The following REEP1 variants were observed in gnomAD, a reference collection of about 807,000 sequenced individuals.
The protein encoded by REEP1 is receptor expression-enhancing protein 1.
REEP1 carries 22 observed loss-of-function variants against 40.3 expected under a neutral mutation model. The ratio of observed to expected loss-of-function variants is 0.55; its 90% CI spans 0.39 to 0.78. The LOEUF (loss-of-function observed/expected upper bound fraction) is 0.78, where lower values mean the gene tolerates loss of function less well. Among genes scored for constraint, REEP1 ranks in the 30% least tolerant of loss-of-function variants. REEP1 has a pLI of 0.00. For missense variants in REEP1, 280 were observed against 361.1 expected (o/e 0.78, Z 1.82); for synonymous variants, 116 against 139.2 (o/e 0.83, Z 1.17).
At chr2:86,255,939 A>G (rs1290953756) in intron 3 of REEP1, among the ~76,000 whole-genome samples, 1 of 152,204 alleles carries the variant, frequency 6.6e-6, no homozygotes, top group Non-Finnish European at 1.5e-5. Flanking sequence ...CCAGAGGTGT[A>G]GTAACCATGT....
At chr2:86,279,694 A>C (rs1331402243) in intron 2 of REEP1, among the ~76,000 whole-genome samples, 3 of 152,166 alleles carry the variant, frequency 2.0e-5, no homozygotes, top group South Asian at 2.1e-4. Flanking sequence ...AGAGAGATGC[A>C]ATGTTGCTGG....
intron 1 of REEP1, among the ~76,000 whole-genome samples, chr2:86,318,292 T>C (rs1191151611): frequency 6.6e-6 from 1 of 152,150 alleles, no homozygotes. Context: ...AGATTCCACA[T>C]TGAAATTAAC....
intron 1 of REEP1, among the ~76,000 whole-genome samples, chr2:86,329,915 T>C (rs1422860748): frequency 6.6e-6 from 1 of 152,188 alleles, no homozygotes; most frequent in African/African-American, 2.4e-5. Context: ...AATGCCACTC[T>C]GGAGACCCAG....
intron 1 of REEP1, among the ~76,000 whole-genome samples, chr2:86,303,201 C>A (rs978400260): frequency 6.8e-6 from 1 of 146,840 alleles, no homozygotes; most frequent in African/African-American, 2.5e-5. Context: ...CACCACGATG[C>A]CCGGCTAATT....
At chr2:86,283,404 T>C (rs1678206091) in intron 1 of REEP1, among the ~76,000 whole-genome samples, 1 of 152,160 alleles carries the variant, frequency 6.6e-6, no homozygotes, top group Non-Finnish European at 1.5e-5. Flanking sequence ...AGGTACTATA[T>C]GAGCTGACAT....
At chr2:86,251,879 G>A in intron 5 of REEP1, 78 bp downstream of exon 5, 2 of 972,408 alleles carry the variant, frequency 2.1e-6, no homozygotes, top group South Asian at 1.3e-5. Context: ...AGCCTGTTCT[G>A]TGTGGTCGCA....
At chr2:86,327,943 TC>T (rs1680593160) in intron 1 of REEP1, among the ~76,000 whole-genome samples, 2 of 152,000 alleles carry the variant, frequency 1.3e-5, no homozygotes. Flanking sequence ...TTTTCAATGG[TC>T]CAGGAGAGCA....
intron 1 of REEP1, among the ~76,000 whole-genome samples, chr2:86,306,073 T>C (rs1679467282): frequency 6.6e-6 from 1 of 152,236 alleles, no homozygotes; most frequent in Admixed American, 6.5e-5. Context: ...CCAAACTTTT[T>C]TTTAAGTGGC....
In REEP1 at chr2:86,305,346, T is replaced by G. The variant is rs566654427; in HGVS notation, c.33-23104A>C. Among the ~76,000 whole-genome samples the G allele has an allele frequency of 3.9e-5, 6 of 152,304 alleles. No individual in the cohort carries two copies. In the East Asian group the frequency reaches 1.2e-3, roughly 29 times the overall value. On this transcript the variant is annotated intron_variant, in intron 1 of 8. Coordinates refer to ENST00000538924, the MANE Select transcript of REEP1 (RefSeq NM_001371279.1). ...TTGGCCCCAGCCCTCTGCCTTTCTG[T>G]GTACCCGTTTCCTCCCTCAGGGCAA...
chr2:86,228,734 A>G (rs942950618), intron 6 of REEP1, among the ~76,000 whole-genome samples: 2 of 152,214 alleles, frequency 1.3e-5, no homozygotes, highest in African/African-American at 2.4e-5. Flanking sequence ...CTGGGATTAC[A>G]GGCGTGAGTC....
At chr2:86,247,081 A>G (rs1411010998) in intron 5 of REEP1, among the ~76,000 whole-genome samples, 1 of 151,482 alleles carries the variant, frequency 6.6e-6, no homozygotes, top group African/African-American at 2.4e-5. Flanking sequence ...TAAGAGAGAG[A>G]CTTTTCATTT....
At chr2:86,309,971 G>A (rs1210722563) in intron 1 of REEP1, among the ~76,000 whole-genome samples, 1 of 152,144 alleles carries the variant, frequency 6.6e-6, no homozygotes, top group Non-Finnish European at 1.5e-5. Flanking sequence ...TAGCCAAGTG[G>A]AGAGGGCAGG....
chr2:86,286,772 T>C (rs930449321), intron 1 of REEP1, among the ~76,000 whole-genome samples: 12 of 152,164 alleles, frequency 7.9e-5, no homozygotes, highest in African/African-American at 2.2e-4. Flanking sequence ...TTGCTGACCG[T>C]AGCCAAGTCC....
chr2:86,337,568 C>A lies in REEP1; in HGVS notation c.-58G>T. On this transcript the variant is annotated 5_prime_UTR_variant, in exon 1 of 9. Transcript: ENST00000538924. This position sits in a 1 kb window ranked among gnomAD's most constrained non-coding sequence, Gnocchi z 5.8. Reference sequence around the variant, plus strand: ...CGCGGCTCGGCTAGGCTGCGGGCGGCGCGGGCTGCTGCGGCGTTCCCGGAA... The same window carrying A: ...CGCGGCTCGGCTAGGCTGCGGGCGGAGCGGGCTGCTGCGGCGTTCCCGGAA... 2 of 1,203,336 alleles carry A rather than the reference C, an allele frequency of 1.7e-6. No individual in the cohort carries two copies. The highest frequency in any genetic ancestry group is 3.6e-5 in the East Asian group (1 of 27,402). The allele number at this position is 1,203,336 out of a possible 1,614,324, so 74.5% of individuals were successfully genotyped here. A position where few individuals can be genotyped will look rare whatever the true frequency, so the allele number is the denominator to read the frequency against.
intron 1 of REEP1, among the ~76,000 whole-genome samples, chr2:86,306,957 C>A (rs1388538323): frequency 2.0e-5 from 3 of 151,716 alleles, no homozygotes; most frequent in Non-Finnish European, 4.4e-5. Flanking sequence ...GGAATCCCAG[C>A]ACTTTGGGAG....
chr2:86,280,226 T>C (rs546010102), intron 2 of REEP1, among the ~76,000 whole-genome samples: 29 of 152,346 alleles, frequency 1.9e-4, no homozygotes. Context: ...GGCTTGTTTC[T>C]TCAGATTCCT....
chr2:86,334,973 G>A (rs2104553678), intron 1 of REEP1, among the ~76,000 whole-genome samples: 1 of 152,264 alleles, frequency 6.6e-6, no homozygotes, highest in Middle Eastern at 3.4e-3. Flanking sequence ...GGGATCTTCT[G>A]GCAAGAGGCA....
At chr2:86,224,534 C>G (rs1373327559) in intron 7 of REEP1, among the ~76,000 whole-genome samples, 5 of 152,202 alleles carry the variant, frequency 3.3e-5, no homozygotes, top group Admixed American at 2.6e-4. Context: ...TCAAAGGGTT[C>G]CTTGCATGCA....
intron 1 of REEP1, among the ~76,000 whole-genome samples, chr2:86,326,570 G>C (rs1680514797): frequency 1.3e-5 from 2 of 152,118 alleles, no homozygotes; most frequent in Admixed American, 1.3e-4. Context: ...AAATTAGCCA[G>C]GCATGGTGGT....
Sources: allele counts gnomAD v4.1 joint callset (sites outside exome capture counted in the v4.1 genomes callset), GRCh38; gene constraint gnomAD v4.1.1; non-coding constraint Gnocchi (gnomAD v3.1); transcripts MANE v1.5; gene names NCBI Gene and HGNC (gene_info 2026-07-23, HGNC 2026-07-21).